Variants in MYO18A observed in about 807,000 individuals in gnomAD.
MYO18A encodes the protein myosin XVIIIA.
In MYO18A, 78 loss-of-function variants were observed where a neutral mutation model predicts 235.8. The ratio of observed to expected loss-of-function variants is 0.33; its 90% CI spans 0.28 to 0.40. The LOEUF (loss-of-function observed/expected upper bound fraction) is 0.40, where lower values mean the gene tolerates loss of function less well. Among genes scored for constraint, MYO18A ranks in the 10% least tolerant of loss-of-function variants. MYO18A has a pLI of 1.00. For missense variants in MYO18A, 2,215 were observed against 2,699.3 expected, an observed-to-expected ratio of 0.82 and a Z score of 3.98; for synonymous variants, 977 against 1,077.8, an observed-to-expected ratio of 0.91 and a Z score of 1.83.
At position 29,094,696 on chromosome 17, in the gene MYO18A, T is replaced by C. The variant is rs1235418943; in HGVS notation, c.4664A>G (p.Glu1555Gly). 2 of 1,613,900 alleles carry C rather than the reference T, an allele frequency of 1.2e-6. No homozygotes were observed. Among genetic ancestry groups the C allele is most frequent in the Non-Finnish European group, 1.7e-6 (2 of 1,179,898 alleles). ...CCCTGCCTGCTCATCCAGCTCTTCT[T>C]CCTGATCCTTGACTTTGGCCTCCAG... is the stretch of plus-strand genomic sequence containing the variant. ...RDLEAKVKDQ[E>G]EELDEQAGTI... Residue 1555 changes from glutamate (E) to glycine (G), a missense_variant, in exon 30 of 42, where the codon GAA becomes GGA. Glu to Gly is a moderately conservative substitution (Grantham distance 98). Transcript: ENST00000527372.
In MYO18A at chr17:29,110,467, T is replaced by C; in HGVS notation, c.3056A>G (p.Lys1019Arg). The change falls in exon 18 of 42, where the codon AAG becomes AGG. Residue 1019 changes from lysine (K) to arginine (R), a missense_variant. Physicochemically the swap from Lys to Arg is conservative, Grantham distance 26. Coordinates refer to ENST00000527372, the MANE Select transcript of MYO18A (RefSeq NM_078471.4). ...TAGCTTCATCTGGATGCACAGTGAC[T>C]TCTTTTTGACAGCCGCCATGCCTGT... ...FTTGMAAVKKKSLCIQMKLQV... is the reference protein window; with the variant it reads ...FTTGMAAVKKRSLCIQMKLQV... The C allele has an allele frequency of 6.3e-7, 1 of 1,596,320 alleles. No homozygotes were observed. The highest frequency in any genetic ancestry group is 8.5e-7 in the Non-Finnish European group (1 of 1,171,972).
rs561222382 is a variant in MYO18A, at chr17:29,120,961, A to C, written c.1585+37T>G. 13 of 1,588,498 alleles carry C rather than the reference A, an allele frequency of 8.2e-6. No individual in the cohort carries two copies. The East Asian group carries it at 2.5e-4, about 31-fold the overall frequency. On this transcript the variant is annotated intron_variant, in intron 6 of 41. Transcript: ENST00000527372. The surrounding 1 kb of genome is among the most constrained non-coding windows in gnomAD (Gnocchi z 4.2). ...GCTCTCTCCTCACTCCCCTCCCCTC[A>C]CCCCACTTTCAGTTTTCTCCCTTGT... is the stretch of plus-strand genomic sequence containing the variant.
At chr17:29,100,292 A>C (rs1375442260) in intron 21 of MYO18A, among the ~76,000 whole-genome samples, 1 of 152,160 alleles carries the variant, frequency 6.6e-6, no homozygotes, top group Admixed American at 6.5e-5. Context: ...GCAGAGGAAA[A>C]GCGGGGAGAA....
intron 41 of MYO18A, chr17:29,079,587 C>T: frequency 2.0e-6 from 1 of 498,220 alleles, no homozygotes; most frequent in Non-Finnish European, 2.6e-6. Flanking sequence ...CTCATCAAGG[C>T]AGCCAGGAGG....
intron 1 of MYO18A, among the ~76,000 whole-genome samples, chr17:29,172,962 A>C (rs1244636072): frequency 6.6e-6 from 1 of 152,218 alleles, no homozygotes; most frequent in Non-Finnish European, 1.5e-5. Context: ...TACTATTTTC[A>C]ATTAGCAGTT....
intron 37 of MYO18A, among the ~76,000 whole-genome samples, chr17:29,089,412 T>C (rs1171143923): frequency 2.2e-5 from 2 of 90,770 alleles, no homozygotes; most frequent in South Asian, 8.1e-4. Context: ...AGAGTGAGAC[T>C]CTGTCTCAAA....
intron 37 of MYO18A, among the ~76,000 whole-genome samples, chr17:29,088,052 CTTTTTTTTT>C (rs1040172315): frequency 8.0e-6 from 1 of 124,656 alleles, no homozygotes; most frequent in East Asian, 2.3e-4. Flanking sequence ...AAAATAAATT[CTTTTTTTTT>C]TTTTTTTTTT....
intron 40 of MYO18A, among the ~76,000 whole-genome samples, chr17:29,084,260 C>T (rs1047458636): frequency 2.6e-5 from 4 of 152,122 alleles, no homozygotes; most frequent in Non-Finnish European, 4.4e-5. Context: ...ATCTTAAATG[C>T]GCATTTTATC....
chr17:29,172,587 T>C (rs1161712090), intron 1 of MYO18A, among the ~76,000 whole-genome samples: 5 of 152,114 alleles, frequency 3.3e-5, no homozygotes, highest in African/African-American at 1.2e-4. Flanking sequence ...ATAATAATGG[T>C]ACCTACCACC....
At chr17:29,109,000 G>C (rs1355614237) in intron 19 of MYO18A, among the ~76,000 whole-genome samples, 1 of 152,082 alleles carries the variant, frequency 6.6e-6, no homozygotes, top group Non-Finnish European at 1.5e-5. Context: ...GCAGGGCAGG[G>C]AGCCTGTTTC....
At chr17:29,162,426 C>G (rs2068193305) in intron 2 of MYO18A, among the ~76,000 whole-genome samples, 1 of 152,188 alleles carries the variant, frequency 6.6e-6, no homozygotes, top group Non-Finnish European at 1.5e-5. Flanking sequence ...GTGATTCTCT[C>G]TCCATAACTT....
chr17:29,149,645 C>A (rs1156398725), intron 2 of MYO18A, among the ~76,000 whole-genome samples: 2 of 152,262 alleles, frequency 1.3e-5, no homozygotes, highest in African/African-American at 4.8e-5. Flanking sequence ...CAGGCATATG[C>A]GGCCGACTGC....
Position 29,074,271 on chromosome 17 carries a change from G to C in MYO18A, c.*499C>G. 2 of 1,351,380 alleles carry C rather than the reference G, an allele frequency of 1.5e-6. No individual in the cohort carries two copies. Among genetic ancestry groups the C allele is most frequent in the South Asian group, 2.9e-5 (2 of 70,060 alleles). The allele number at this position is 1,351,380 out of a possible 1,614,324, so 83.7% of individuals were successfully genotyped here. A position where few individuals can be genotyped will look rare whatever the true frequency, so the allele number is the denominator to read the frequency against. On this transcript the variant is annotated 3_prime_UTR_variant, in exon 42 of 42. Coordinates refer to ENST00000527372, the MANE Select transcript of MYO18A (RefSeq NM_078471.4). This position sits in a 1 kb window ranked among gnomAD's most constrained non-coding sequence, Gnocchi z 4.4. The stretch of plus-strand genomic sequence containing the variant: ...CACTCTCAGGGATGCAGCTGTGATG[G>C]AGAGGTTGGGTATTTAAATTAAAAA...
In MYO18A at chr17:29,082,434, C is replaced by T; in HGVS notation, c.5902G>A (p.Gly1968Arg). Reference protein sequence around the residue: ...KYQKRKNKLEGDSDVDSELED... With the variant: ...KYQKRKNKLERDSDVDSELED... Reference sequence around the variant, plus strand: ...AGCTCCGAGTCCACATCAGAGTCTCCCTCACTGTAGGGATGAGGAGCAGAA... The same window carrying T: ...AGCTCCGAGTCCACATCAGAGTCTCTCTCACTGTAGGGATGAGGAGCAGAA... The change falls in exon 41 of 42, where the codon GGA (glycine) becomes AGA (arginine). Residue 1968 changes from glycine (G) to arginine (R), a missense_variant. Transcript: ENST00000527372. The T allele has an allele frequency of 6.2e-7, 1 of 1,612,970 alleles. No individual in the cohort carries two copies. The highest frequency in any genetic ancestry group is 8.5e-7 in the Non-Finnish European group (1 of 1,179,724).
At chr17:29,104,918 C>T (rs555457005) in intron 20 of MYO18A, among the ~76,000 whole-genome samples, 6 of 152,082 alleles carry the variant, frequency 3.9e-5, no homozygotes, top group South Asian at 2.1e-4. Context: ...CGGTGGCTCA[C>T]GCCTGTAATC....
In MYO18A at chr17:29,073,701, G is replaced by T; in HGVS notation, c.*1069C>A. On this transcript the variant is annotated 3_prime_UTR_variant, in exon 42 of 42. Transcript: ENST00000527372. ...ATAACCTTTTTAGGGTGGGGGCTGG[G>T]ACCTCCAGACCACATGGTGTTGTGT... 1.2e-6 allele frequency: 1 copy of T among 800,644 alleles called. No individual in the cohort carries two copies. The highest frequency in any genetic ancestry group is 2.0e-6 in the Non-Finnish European group (1 of 507,914). 49.6% of individuals were successfully genotyped at this position (800,644 alleles called of 1,614,324 possible).
intron 34 of MYO18A, chr17:29,091,727 G>A (rs1231821393): frequency 2.2e-6 from 1 of 453,454 alleles, no homozygotes; most frequent in African/African-American, 2.0e-5. Context: ...GGGCCATGAA[G>A]CCACCAGCCC....
At chr17:29,175,499 G>C (rs1005373957) in intron 1 of MYO18A, among the ~76,000 whole-genome samples, 1 of 151,282 alleles carries the variant, frequency 6.6e-6, no homozygotes, top group African/African-American at 2.4e-5. Context: ...GAGTAGCTGG[G>C]ACTACAGGCA....
intron 2 of MYO18A, among the ~76,000 whole-genome samples, chr17:29,156,532 C>T (rs2068070328): frequency 6.6e-6 from 1 of 152,194 alleles, no homozygotes; most frequent in Admixed American, 6.5e-5. Flanking sequence ...GACAAGTCAC[C>T]AAGGTCAGTT....
Sources: gnomAD v4.1 joint callset for allele counts (sites outside exome capture counted in the v4.1 genomes callset) on GRCh38, gnomAD v4.1.1 for gene constraint, Gnocchi (gnomAD v3.1) non-coding constraint, MANE v1.5 for transcripts, NCBI Gene and HGNC (gene_info 2026-07-23, HGNC 2026-07-21) for gene names.